The following SESN3 variants were observed in gnomAD, a reference collection of about 807,000 sequenced individuals.
SESN3 encodes the protein sestrin-3.
SESN3 carries 21 observed loss-of-function variants against 55.3 expected under a neutral mutation model. That is an observed-to-expected ratio of 0.38 (90% CI 0.27 to 0.55). SESN3 has a LOEUF of 0.55. SESN3 is among the 20% of genes least tolerant of loss of function. The pLI, the probability that SESN3 is intolerant of heterozygous loss-of-function variation, is 0.76. For synonymous variants in SESN3, 181 were observed against 203.1 expected (o/e 0.89, Z 0.93); for missense variants, 408 against 604.3 (o/e 0.68, Z 3.41).
rs1481946163 is a variant in SESN3, at chr11:95,173,111, C to CA, written c.*143dup. 9 of 473,062 alleles carry CA rather than the reference C, an allele frequency of 1.9e-5. No homozygotes were observed. The highest frequency in any genetic ancestry group is 1.2e-4 in the East Asian group (4 of 34,302). 29.3% of individuals were successfully genotyped at this position (473,062 alleles called of 1,614,324 possible). On this transcript the variant is annotated 3_prime_UTR_variant, in exon 10 of 10. Coordinates refer to ENST00000536441, the MANE Select transcript of SESN3 (RefSeq NM_144665.4). ...AACACATCATTGCACATTACAGCCGCAAAAAACAAAAAAAAAAAAACAAAC... is the reference window on the plus strand; with the variant it reads ...AACACATCATTGCACATTACAGCCGCAAAAAAACAAAAAAAAAAAAACAAAC...
In SESN3 at chr11:95,169,695, A is replaced by G. The variant is rs947779351; in HGVS notation, c.*3560T>C. ...AGGCATGCACCCTCCCTCCACTAAA[A>G]ATGGTGTACTATTTTAAGTACAGAT... On this transcript the variant is annotated 3_prime_UTR_variant, in exon 10 of 10. Coordinates refer to ENST00000536441, the MANE Select transcript of SESN3 (RefSeq NM_144665.4). The G allele has an allele frequency of 2.0e-5, 3 of 152,126 alleles. No individual in the cohort carries two copies. Among genetic ancestry groups the G allele is most frequent in the Non-Finnish European group, 4.4e-5 (3 of 68,020 alleles). 9.4% of individuals were successfully genotyped at this position (152,126 alleles called of 1,614,324 possible). A position where few individuals can be genotyped will look rare whatever the true frequency, so the allele number is the denominator to read the frequency against.
At position 95,167,714 on chromosome 11, in the gene SESN3, AAAT is replaced by A. The variant is rs1023279385; in HGVS notation, c.*5538_*5540del. On this transcript the variant is annotated 3_prime_UTR_variant, in exon 10 of 10. Transcript: ENST00000536441. Reference sequence around the variant, plus strand: ...ATGGAAAACAACCAAATACTACAAGAAATAATAATAATCTATACTTTCAAATGG... The same window carrying A: ...ATGGAAAACAACCAAATACTACAAGAAATAATAATCTATACTTTCAAATGG... 5.9e-5 allele frequency: 9 copies of A among 152,192 alleles called. No homozygotes were observed. The highest frequency in any genetic ancestry group is 1.9e-4 in the African/African-American group (8 of 41,438). 9.4% of individuals were successfully genotyped at this position (152,192 alleles called of 1,614,324 possible).
intron 1 of SESN3, among the ~76,000 whole-genome samples, chr11:95,213,433 G>A (rs914610654): frequency 6.6e-6 from 1 of 152,162 alleles, no homozygotes; most frequent in Non-Finnish European, 1.5e-5. Context: ...TGACAATGTG[G>A]TCTTATTCTC....
chr11:95,193,900 G>C (rs754481136), intron 1 of SESN3, among the ~76,000 whole-genome samples: 14 of 151,808 alleles, frequency 9.2e-5, no homozygotes, highest in Non-Finnish European at 1.9e-4. Context: ...GGTTAAATTC[G>C]AAGAAGATTA....
At position 95,168,907 on chromosome 11, in the gene SESN3, G is replaced by A. The variant is rs551302535; in HGVS notation, c.*4348C>T. 1.3e-5 allele frequency: 2 copies of A among 152,622 alleles called. No individual in the cohort carries two copies. The highest frequency in any genetic ancestry group is 2.9e-5 in the Non-Finnish European group (2 of 68,364). The allele number at this position is 152,622 out of a possible 1,614,324, so 9.5% of individuals were successfully genotyped here. Reference sequence around the variant, plus strand: ...TTGGAGGAAGAAGCAGGCAGAAAAGGGTGGACTGAATGCAGACAGGACCTC... The same window carrying A: ...TTGGAGGAAGAAGCAGGCAGAAAAGAGTGGACTGAATGCAGACAGGACCTC... On this transcript the variant is annotated 3_prime_UTR_variant, in exon 10 of 10. Transcript: ENST00000536441.
chr11:95,206,329 G>GT (rs754533539), intron 1 of SESN3, among the ~76,000 whole-genome samples: 25 of 148,522 alleles, frequency 1.7e-4, no homozygotes, highest in South Asian at 4.3e-4. Context: ...ACCTTAAAAT[G>GT]TTTTTTGGCA....
At position 95,167,290 on chromosome 11, in the gene SESN3, GT is replaced by G. The variant is rs1471697013; in HGVS notation, c.*5964del. ...CTTGAGGGGTGCAAGAAAATAGACT[GT>G]TCTAGCAAAATTTACATAACAAAAA... On this transcript the variant is annotated 3_prime_UTR_variant, in exon 10 of 10. Coordinates refer to ENST00000536441, the MANE Select transcript of SESN3 (RefSeq NM_144665.4). 6.6e-6 allele frequency: 1 copy of G among 152,054 alleles called. No homozygotes were observed. Among genetic ancestry groups the G allele is most frequent in the Non-Finnish European group, 1.5e-5 (1 of 68,002 alleles). The allele number at this position is 152,054 out of a possible 1,614,324, so 9.4% of individuals were successfully genotyped here. A position where few individuals can be genotyped will look rare whatever the true frequency, so the allele number is the denominator to read the frequency against.
intron 1 of SESN3, among the ~76,000 whole-genome samples, chr11:95,229,447 G>A (rs1053819314): frequency 6.6e-6 from 1 of 151,836 alleles, no homozygotes; most frequent in African/African-American, 2.4e-5. Flanking sequence ...CACAATTTAA[G>A]GCATATTTAA....
At chr11:95,174,348 A>G (rs1384304497) in intron 9 of SESN3, among the ~76,000 whole-genome samples, 1 of 152,258 alleles carries the variant, frequency 6.6e-6, no homozygotes, top group South Asian at 2.1e-4. Flanking sequence ...AAAGATCCTT[A>G]ACATTTATTA....
At position 95,165,662 on chromosome 11, in the gene SESN3, TAG is replaced by T. The variant is rs1859730662; in HGVS notation, c.*7591_*7592del. On this transcript the variant is annotated 3_prime_UTR_variant, in exon 10 of 10. Coordinates refer to ENST00000536441, the MANE Select transcript of SESN3 (RefSeq NM_144665.4). The stretch of plus-strand genomic sequence containing the variant: ...AAACCCATTGTTCTGTACCTATAAA[TAG>T]ATTTTCAAAATGTCATAAAAAGTGC... 1 of 152,188 alleles carries T rather than the reference TAG, an allele frequency of 6.6e-6. No individual in the cohort carries two copies. Among genetic ancestry groups the T allele is most frequent in the Non-Finnish European group, 1.5e-5 (1 of 68,026 alleles). The allele number at this position is 152,188 out of a possible 1,614,324, so 9.4% of individuals were successfully genotyped here.
At chr11:95,221,770 G>A (rs1860863631) in intron 1 of SESN3, among the ~76,000 whole-genome samples, 1 of 152,168 alleles carries the variant, frequency 6.6e-6, no homozygotes, top group Non-Finnish European at 1.5e-5. Flanking sequence ...ATTTCAACCA[G>A]CCTAAATAGG....
At chr11:95,213,870 T>C (rs948637873) in intron 1 of SESN3, among the ~76,000 whole-genome samples, 1 of 152,076 alleles carries the variant, frequency 6.6e-6, no homozygotes, top group Admixed American at 6.5e-5. Flanking sequence ...TTATCATTCA[T>C]TAATTCAGAG....
chr11:95,223,771 G>C (rs866486313), intron 1 of SESN3, among the ~76,000 whole-genome samples: 1 of 152,054 alleles, frequency 6.6e-6, no homozygotes, highest in Non-Finnish European at 1.5e-5. Flanking sequence ...TCAGTAGTTC[G>C]TAAATGTCTT....
chr11:95,182,976 C>T (rs1431652452), intron 6 of SESN3, among the ~76,000 whole-genome samples: 1 of 152,132 alleles, frequency 6.6e-6, no homozygotes, highest in Non-Finnish European at 1.5e-5. Context: ...CATTCTTCCT[C>T]TAGGTTCCTC....
At chr11:95,175,421 T>A (rs1189289182) in intron 9 of SESN3, 77 bp downstream of exon 9, 2 of 1,203,630 alleles carry the variant, frequency 1.7e-6, no homozygotes, top group East Asian at 4.8e-5. Context: ...AATACTTTCA[T>A]GTGTCATTTT....
intron 1 of SESN3, among the ~76,000 whole-genome samples, chr11:95,215,066 C>A (rs1321287177): frequency 6.6e-6 from 1 of 152,132 alleles, no homozygotes; most frequent in Non-Finnish European, 1.5e-5. Context: ...CTGCCAATAT[C>A]ATCTCAAACA....
rs969396945 is a variant in SESN3, at chr11:95,230,484, C to T, written c.78+299G>A. On this transcript the variant is annotated intron_variant, in intron 1 of 9. Coordinates refer to ENST00000536441, the MANE Select transcript of SESN3 (RefSeq NM_144665.4). The surrounding 1 kb of genome is among the most constrained non-coding windows in gnomAD (Gnocchi z 4.6). ...CCGCCCTCCGCCCAAGGAGCCGACC[C>T]GGGGTAGCAAGGTAGGGAAATGAGC... 2.9e-6 allele frequency: 1 copy of T among 349,722 alleles called. No homozygotes were observed. Among genetic ancestry groups the T allele is most frequent in the African/African-American group, 2.2e-5 (1 of 44,884 alleles). The allele number at this position is 349,722 out of a possible 1,614,324, so 21.7% of individuals were successfully genotyped here.
chr11:95,216,072 T>C (rs2134261025), intron 1 of SESN3, among the ~76,000 whole-genome samples: 1 of 131,604 alleles, frequency 7.6e-6, no homozygotes, highest in South Asian at 2.3e-4. Flanking sequence ...CACTCCAGCC[T>C]GGGCAACAGA....
chr11:95,206,478 CAG>C (rs1485015257), intron 1 of SESN3, among the ~76,000 whole-genome samples: 1 of 151,872 alleles, frequency 6.6e-6, no homozygotes, highest in African/African-American at 2.4e-5. Flanking sequence ...AGAAAATTCT[CAG>C]AGTGCAGTTT....
Sources: gnomAD v4.1 joint callset for allele counts (sites outside exome capture counted in the v4.1 genomes callset) on GRCh38, gnomAD v4.1.1 for gene constraint, Gnocchi (gnomAD v3.1) non-coding constraint, MANE v1.5 for transcripts, NCBI Gene and HGNC (gene_info 2026-07-23, HGNC 2026-07-21) for gene names.